The following TMEM132C variants were observed in gnomAD, a reference collection of about 807,000 sequenced individuals.
TMEM132C encodes protein phosphatase 1, regulatory subunit 152.
A neutral mutation model predicts 61.4 loss-of-function variants in TMEM132C; 29 were observed. That is an observed-to-expected ratio of 0.47 (90% CI 0.35 to 0.64). TMEM132C has a LOEUF of 0.64. Among genes scored for constraint, TMEM132C ranks in the 30% least tolerant of loss-of-function variants. The pLI, the probability that TMEM132C is intolerant of heterozygous loss-of-function variation, is 0.00. For missense variants in TMEM132C, 1,408 were observed against 1,476.9 expected (o/e 0.95, Z 0.76); for synonymous variants, 656 against 633.1 (o/e 1.04, Z -0.54).
At chr12:128,465,792 T>G (rs974474311) in intron 2 of TMEM132C, among the ~76,000 whole-genome samples, 1 of 152,202 alleles carries the variant, frequency 6.6e-6, no homozygotes, top group Non-Finnish European at 1.5e-5. Context: ...CCTGACTACA[T>G]GCATGCTAGG....
rs1407482719 is a variant in TMEM132C at position 128,473,343 on chromosome 12, C to CA, written c.974+57723_974+57724insA. On this transcript the variant is annotated intron_variant, in intron 2 of 8. Coordinates refer to ENST00000435159, the MANE Select transcript of TMEM132C (RefSeq NM_001136103.3). ...CTATCTTCATCTTCAGTCCAGCCTC[C>CA]TTCTTCATCTTCACTCCAGCCTCTA... Among the ~76,000 whole-genome samples, 59 of 33,990 alleles carry CA rather than the reference C, an allele frequency of 1.7e-3. 7 individuals are homozygous for CA. The highest frequency in any genetic ancestry group is 3.9e-3 in the East Asian group (3 of 776). The allele number at this position is 33,990 out of a possible 152,430, so 22.3% of individuals were successfully genotyped here.
At chr12:128,649,383 A>C (rs778902852) in intron 4 of TMEM132C, among the ~76,000 whole-genome samples, 2 of 152,184 alleles carry the variant, frequency 1.3e-5, no homozygotes, top group Non-Finnish European at 2.9e-5. Context: ...TGGAAGGGAC[A>C]CACATCATTT....
intron 2 of TMEM132C, among the ~76,000 whole-genome samples, chr12:128,471,374 C>G (rs1046980268): frequency 6.6e-6 from 1 of 152,030 alleles, no homozygotes; most frequent in Non-Finnish European, 1.5e-5. Flanking sequence ...GGTGGAAGCA[C>G]AGATGGCCCC....
At chr12:128,580,921 A>G (rs1239656639) in intron 3 of TMEM132C, among the ~76,000 whole-genome samples, 1 of 152,146 alleles carries the variant, frequency 6.6e-6, no homozygotes, top group Non-Finnish European at 1.5e-5. Context: ...AGTGGCATTC[A>G]TGGCCCTTCC....
intron 1 of TMEM132C, among the ~76,000 whole-genome samples, chr12:128,368,875 G>A (rs1003983268): frequency 6.6e-6 from 1 of 152,160 alleles, no homozygotes; most frequent in African/African-American, 2.4e-5. Flanking sequence ...CCAAAGGCAC[G>A]AAGAGAGGCT....
Position 128,389,658 on chromosome 12 carries a change from A to T in TMEM132C, c.86-25074A>T, listed in dbSNP as rs184014726. Among the ~76,000 whole-genome samples, 16 of 152,274 alleles carry T rather than the reference A, an allele frequency of 1.1e-4. No homozygotes were observed. In the East Asian group the frequency reaches 3.1e-3, roughly 30 times the overall value. Reference sequence around the variant, plus strand: ...CCTCCATGAGGATTTGGGGAAGAGCATCCAAGAAGAGGACATGGCCAGCCC... The same window carrying T: ...CCTCCATGAGGATTTGGGGAAGAGCTTCCAAGAAGAGGACATGGCCAGCCC... On this transcript the variant is annotated intron_variant, in intron 1 of 8. Coordinates refer to ENST00000435159, the MANE Select transcript of TMEM132C (RefSeq NM_001136103.3).
At chr12:128,654,143 T>A (rs768712041) in intron 4 of TMEM132C, among the ~76,000 whole-genome samples, 6 of 152,244 alleles carry the variant, frequency 3.9e-5, no homozygotes, top group Non-Finnish European at 5.9e-5. Flanking sequence ...GAATCTGACC[T>A]TCTTTGGAAA....
intron 3 of TMEM132C, among the ~76,000 whole-genome samples, chr12:128,598,287 A>G (rs1402809847): frequency 6.6e-6 from 1 of 152,066 alleles, no homozygotes; most frequent in African/African-American, 2.4e-5. Context: ...GATACAAAAA[A>G]TAGCTGGATG....
intron 4 of TMEM132C, among the ~76,000 whole-genome samples, chr12:128,663,928 G>A (rs1435123273): frequency 7.6e-6 from 1 of 131,792 alleles, no homozygotes; most frequent in African/African-American, 2.9e-5. Flanking sequence ...ACACCTGCAC[G>A]CACGCGGACA....
At chr12:128,661,692 T>A (rs1304603111) in intron 4 of TMEM132C, among the ~76,000 whole-genome samples, 1 of 152,150 alleles carries the variant, frequency 6.6e-6, no homozygotes, top group Non-Finnish European at 1.5e-5. Context: ...AGGCACACAA[T>A]GGAATTTAGT....
intron 2 of TMEM132C, among the ~76,000 whole-genome samples, chr12:128,466,096 G>C (rs1156808395): frequency 3.9e-5 from 6 of 152,278 alleles, no homozygotes; most frequent in African/African-American, 1.2e-4. Context: ...GACAGAACAG[G>C]GTGGGGAGGT....
At chr12:128,599,952 C>T (rs1442863811) in intron 3 of TMEM132C, among the ~76,000 whole-genome samples, 1 of 152,100 alleles carries the variant, frequency 6.6e-6, no homozygotes, top group Non-Finnish European at 1.5e-5. Flanking sequence ...AGTGAGTTCT[C>T]ACAAGACCTG....
At chr12:128,445,329 G>A (rs1403603149) in intron 2 of TMEM132C, among the ~76,000 whole-genome samples, 2 of 152,180 alleles carry the variant, frequency 1.3e-5, no homozygotes, top group Non-Finnish European at 2.9e-5. Flanking sequence ...CTATTTAGAA[G>A]ATTCGAGTGG....
rs767876151 is a variant in TMEM132C, at chr12:128,295,554, C to A, written c.85+28067C>A. ...GTCTGTAACAGCCTGCTACCTTCCA[C>A]CCCCTCCCCTGGGTATGCTTTCATT... On this transcript the variant is annotated intron_variant, in intron 1 of 8. Transcript: ENST00000435159. 6.4e-5 allele frequency among the ~76,000 whole-genome samples: 8 copies of A among 124,798 alleles called. No homozygotes were observed. The East Asian group carries it at 1.9e-3, about 30-fold the overall frequency. 81.9% of individuals were successfully genotyped at this position (124,798 alleles called of 152,430 possible). A position where few individuals can be genotyped will look rare whatever the true frequency, so the allele number is the denominator to read the frequency against.
intron 5 of TMEM132C, among the ~76,000 whole-genome samples, chr12:128,681,480 GT>G (rs969785878): frequency 3.2e-4 from 48 of 152,190 alleles, no homozygotes; most frequent in Admixed American, 2.7e-3. Flanking sequence ...TATCTGAACT[GT>G]AAGAGATTTC....
intron 4 of TMEM132C, among the ~76,000 whole-genome samples, chr12:128,668,248 C>CAA (rs201248139): frequency 7.2e-6 from 1 of 139,180 alleles, no homozygotes; most frequent in Admixed American, 7.3e-5. Flanking sequence ...GACCCCATAT[C>CAA]AAAAAAAAAG....
chr12:128,639,569 A>G (rs1593129714), intron 4 of TMEM132C, among the ~76,000 whole-genome samples: 1 of 152,228 alleles, frequency 6.6e-6, no homozygotes, highest in African/African-American at 2.4e-5. Context: ...GAAGGTGACA[A>G]TAAATTGAAG....
intron 2 of TMEM132C, among the ~76,000 whole-genome samples, chr12:128,445,271 G>A (rs1366307111): frequency 2.0e-5 from 3 of 151,856 alleles, no homozygotes; most frequent in South Asian, 2.1e-4. Context: ...GTTCAGCGGC[G>A]TGCACATTTG....
intron 2 of TMEM132C, among the ~76,000 whole-genome samples, chr12:128,442,186 C>G (rs868380856): frequency 6.6e-6 from 1 of 152,132 alleles, no homozygotes; most frequent in Non-Finnish European, 1.5e-5. Flanking sequence ...GTCTGTTTAG[C>G]CTCGTCATCA....
Sources: gnomAD v4.1 joint callset for allele counts (sites outside exome capture counted in the v4.1 genomes callset) on GRCh38, gnomAD v4.1.1 for gene constraint, MANE v1.5 for transcripts, NCBI Gene and HGNC (gene_info 2026-07-23, HGNC 2026-07-21) for gene names.